Variants in AMBP observed in about 807,000 individuals in gnomAD.
The protein encoded by AMBP is protein AMBP.
Under a neutral mutation model 46.3 loss-of-function variants are expected in AMBP, and 37 were observed. The observed-to-expected ratio is 0.80, with a 90% confidence interval of 0.61 to 1.05. The LOEUF (loss-of-function observed/expected upper bound fraction) is 1.05, where lower values mean the gene tolerates loss of function less well. Ranked by LOEUF, AMBP falls within the 50% of genes least tolerant of loss-of-function variation. The probability of loss-of-function intolerance (pLI) is 0.00; values close to 1 mark genes in which losing one functional copy is unlikely to be tolerated. For synonymous variants in AMBP, 174 were observed against 175.9 expected (o/e 0.99, Z 0.09); for missense variants, 475 against 461.2 (o/e 1.03, Z -0.27).
chr9:114,062,872 A>C, intron 6 of AMBP, 114 bp from the exon 7 acceptor site: 1 of 1,034,142 alleles, frequency 9.7e-7, no homozygotes, highest in Admixed American at 1.9e-5. Context: ...GTAGGTAGGA[A>C]CACAGCTCTT....
chr9:114,066,376 CGTGTGTGTGTGT>C (rs55940547), intron 6 of AMBP, among the ~76,000 whole-genome samples: 4 of 141,184 alleles, frequency 2.8e-5, no homozygotes, highest in African/African-American at 5.3e-5. Context: ...TTTATGTGCA[CGTGTGTGTGTGT>C]GTGTGTGTGT....
intron 5 of AMBP, among the ~76,000 whole-genome samples, chr9:114,071,136 G>A (rs1004911811): frequency 6.6e-6 from 1 of 152,192 alleles, no homozygotes; most frequent in Non-Finnish European, 1.5e-5. Flanking sequence ...TGAATTGGTG[G>A]GATAGGAGCT....
At position 114,062,765 on chromosome 9, in the gene AMBP, G is replaced by A. The variant is rs991641845; in HGVS notation, c.604-7C>T. On this transcript the variant is annotated splice_polypyrimidine_tract_variant and splice_region_variant and intron_variant, in intron 6 of 9. Coordinates refer to ENST00000265132, the MANE Select transcript of AMBP (RefSeq NM_001633.4). The stretch of plus-strand genomic sequence containing the variant: ...GCACAGCCCTCCGGACTCTCTGCGG[G>A]GGAGAGAAAGAGAAGAAGCAGTTGC... 8 of 1,613,784 alleles carry A rather than the reference G, an allele frequency of 5.0e-6. No individual in the cohort carries two copies. In the Admixed American group the frequency reaches 8.3e-5, roughly 17 times the overall value.
rs761213663 is a variant in AMBP at position 114,074,122 on chromosome 9, A to G, written c.368T>C (p.Val123Ala). 6.2e-7 allele frequency: 1 copy of G among 1,614,126 alleles called. No homozygotes were observed. Among genetic ancestry groups the G allele is most frequent in the Non-Finnish European group, 8.5e-7 (1 of 1,180,042 alleles). Residue 123 changes from valine to alanine, a missense_variant, in exon 4 of 10, where the codon GTC becomes GCC. By Grantham distance (64) the Val-to-Ala change is moderately conservative (BLOSUM62 0). Transcript: ENST00000265132. ...KWNITMESYV[V>A]HTNYDEYAIF... ...GGCATACTCATCATAGTTGGTGTGGACCACATAGGACTCCATGGTTATGTT... is the reference window on the plus strand; with the variant it reads ...GGCATACTCATCATAGTTGGTGTGGGCCACATAGGACTCCATGGTTATGTT...
In AMBP at chr9:114,070,185, T is replaced by C. The variant is rs548405281; in HGVS notation, c.557-440A>G. Among the ~76,000 whole-genome samples, 5 of 152,318 alleles carry C rather than the reference T, an allele frequency of 3.3e-5. No individual in the cohort carries two copies. The East Asian group carries it at 9.7e-4, about 29-fold the overall frequency. On this transcript the variant is annotated intron_variant, in intron 5 of 9. Transcript: ENST00000265132. ...CCACACAGCTCAGTTCGAACCCAGG[T>C]GCTCTTGATGGCAGCAGTGGGCCAT...
intron 6 of AMBP, among the ~76,000 whole-genome samples, chr9:114,066,445 G>C (rs2134848501): frequency 6.9e-6 from 1 of 145,052 alleles, no homozygotes; most frequent in Admixed American, 7.1e-5. Context: ...GCCCAGGCTG[G>C]TCTTGAACTC....
intron 5 of AMBP, among the ~76,000 whole-genome samples, chr9:114,072,491 G>A (rs1846755503): frequency 6.6e-6 from 1 of 152,176 alleles, no homozygotes; most frequent in African/African-American, 2.4e-5. Context: ...GCCAAGCACG[G>A]TCTACCAGGC....
chr9:114,073,084 C>A, intron 4 of AMBP, 58 bp from the exon 5 acceptor site: 1 of 1,480,182 alleles, frequency 6.8e-7, no homozygotes, highest in East Asian at 2.4e-5. Flanking sequence ...AGTGGAAGGG[C>A]CTGAAATGAT....
At chr9:114,061,169 T>A in intron 8 of AMBP, 71 bp from the exon 9 acceptor site, 1 of 1,553,950 alleles carries the variant, frequency 6.4e-7, no homozygotes, top group Non-Finnish European at 8.7e-7. Flanking sequence ...ATGAGACTGC[T>A]GAGCCAGAGG....
In AMBP at chr9:114,062,763, G is replaced by C. The variant is rs374698399; in HGVS notation, c.604-5C>G. On this transcript the variant is annotated splice_polypyrimidine_tract_variant and splice_region_variant and intron_variant, in intron 6 of 9. Coordinates refer to ENST00000265132, the MANE Select transcript of AMBP (RefSeq NM_001633.4). ...TAGCACAGCCCTCCGGACTCTCTGCGGGGGAGAGAAAGAGAAGAAGCAGTT... is the reference window on the plus strand; with the variant it reads ...TAGCACAGCCCTCCGGACTCTCTGCCGGGGAGAGAAAGAGAAGAAGCAGTT... 3.1e-6 allele frequency: 5 copies of C among 1,613,886 alleles called. No individual in the cohort carries two copies. Among genetic ancestry groups the C allele is most frequent in the Admixed American group, 3.3e-5 (2 of 60,002 alleles).
chr9:114,065,754 G>T (rs1846687738), intron 6 of AMBP, among the ~76,000 whole-genome samples: 1 of 151,824 alleles, frequency 6.6e-6, no homozygotes, highest in Non-Finnish European at 1.5e-5. Context: ...GCTCAAATTT[G>T]ATGGGAAGAG....
At chr9:114,072,163 G>A (rs12376877) in intron 5 of AMBP, among the ~76,000 whole-genome samples, 31,405 of 152,220 alleles carry the variant, frequency 0.21, 3,786 homozygotes, top group Middle Eastern at 0.35. Flanking sequence ...GCCCTTTGGG[G>A]AGCCCAGACC....
chr9:114,063,395 A>G (rs7034903), intron 6 of AMBP, among the ~76,000 whole-genome samples: 30,738 of 152,206 alleles, frequency 0.2, 3,315 homozygotes, highest in Middle Eastern at 0.31. Flanking sequence ...AGGTAGCTGT[A>G]GTAATCTCAA....
At chr9:114,071,698 C>T (rs779921678) in intron 5 of AMBP, among the ~76,000 whole-genome samples, 3 of 152,242 alleles carry the variant, frequency 2.0e-5, no homozygotes, top group South Asian at 2.1e-4. Flanking sequence ...TACAAACTTG[C>T]GTACAGAGCA....
At chr9:114,075,147 T>C (rs1410871575) in intron 2 of AMBP, 111 bp from the exon 3 acceptor site, 5 of 758,552 alleles carry the variant, frequency 6.6e-6, no homozygotes, top group African/African-American at 1.8e-5. Flanking sequence ...GGTTTTTTTG[T>C]TTGTGTGTTT....
At chr9:114,078,016 G>T (rs1046718771) in intron 1 of AMBP, 77 bp downstream of exon 1, 2 of 1,432,858 alleles carry the variant, frequency 1.4e-6, no homozygotes, top group Non-Finnish European at 2.0e-6. Context: ...GAGACAGGCC[G>T]CACTTGCCCA....
intron 9 of AMBP, 160 bp downstream of exon 9, chr9:114,060,765 G>T: frequency 1.2e-6 from 1 of 867,170 alleles, no homozygotes; most frequent in East Asian, 2.6e-5. Flanking sequence ...TCCAGCTGGG[G>T]TAAGGCCCCA....
At chr9:114,065,083 C>A (rs1846680467) in intron 6 of AMBP, among the ~76,000 whole-genome samples, 1 of 152,126 alleles carries the variant, frequency 6.6e-6, no homozygotes, top group Non-Finnish European at 1.5e-5. Flanking sequence ...ACCAGCCCAC[C>A]TAGGGATAAT....
intron 7 of AMBP, among the ~76,000 whole-genome samples, chr9:114,062,310 C>T (rs538063968): frequency 6.6e-6 from 1 of 152,346 alleles, no homozygotes; most frequent in East Asian, 1.9e-4. Flanking sequence ...CTACACAAAG[C>T]ATTCACATGT....
Sources: gnomAD v4.1 joint callset for allele counts (sites outside exome capture counted in the v4.1 genomes callset) on GRCh38, gnomAD v4.1.1 for gene constraint, MANE v1.5 for transcripts, NCBI Gene and HGNC (gene_info 2026-07-23, HGNC 2026-07-21) for gene names.